CCBE1: variants seen among roughly 807,000 people sequenced by gnomAD.
CCBE1 encodes the protein collagen and calcium-binding EGF domain-containing protein 1.
In CCBE1, 37 loss-of-function variants were observed where a neutral mutation model predicts 50.0. The ratio of observed to expected loss-of-function variants is 0.74; its 90% CI spans 0.57 to 0.97. The LOEUF (loss-of-function observed/expected upper bound fraction) is 0.97, where lower values mean the gene tolerates loss of function less well. Ranked by LOEUF, CCBE1 falls within the 50% of genes least tolerant of loss-of-function variation. The probability of loss-of-function intolerance (pLI) is 0.00; values close to 1 mark genes in which losing one functional copy is unlikely to be tolerated. For missense variants in CCBE1, 538 were observed against 523.8 expected, an observed-to-expected ratio of 1.03 and a Z score of -0.26; for synonymous variants, 234 against 203.7, an observed-to-expected ratio of 1.15 and a Z score of -1.27.
intron 2 of CCBE1, among the ~76,000 whole-genome samples, chr18:59,603,906 C>A: frequency 6.6e-6 from 1 of 152,212 alleles, no homozygotes; most frequent in Admixed American, 6.5e-5. Flanking sequence ...GGTCCTCAAC[C>A]TCTCGATGAC....
chr18:59,696,412 GCA>G lies in CCBE1; in HGVS notation c.212+215_212+216del, dbSNP rs1244102758. ...CGGCAACCATCCTCAGGATCTCAGG[GCA>G]CACACCCTAGACGCAAAGTCAGTTG... On this transcript the variant is annotated intron_variant, in intron 2 of 10. Transcript: ENST00000439986. The G allele has an allele frequency of 2.4e-6, 3 of 1,247,950 alleles. No homozygotes were observed. In the East Asian group the frequency reaches 8.3e-5, roughly 35 times the overall value. The allele number at this position is 1,247,950 out of a possible 1,614,324, so 77.3% of individuals were successfully genotyped here.
At chr18:59,568,042 G>C (rs1309328362) in intron 2 of CCBE1, 2 of 152,102 alleles carry the variant, frequency 1.3e-5, no homozygotes, top group African/African-American at 2.4e-5. Flanking sequence ...TTCATATAGA[G>C]AGAACCACGG....
At chr18:59,609,016 G>A (rs1403841209) in intron 2 of CCBE1, among the ~76,000 whole-genome samples, 2 of 152,192 alleles carry the variant, frequency 1.3e-5, no homozygotes, top group African/African-American at 4.8e-5. Context: ...ACAGACTTGA[G>A]TTCTTGCATT....
intron 2 of CCBE1, among the ~76,000 whole-genome samples, chr18:59,591,544 A>G (rs2053269491): frequency 6.6e-6 from 1 of 152,234 alleles, no homozygotes; most frequent in African/African-American, 2.4e-5. Context: ...AGAAAAATGG[A>G]CAAAATTCAT....
In CCBE1 at chr18:59,697,246, A is replaced by T. The variant is rs2054821906; in HGVS notation, c.97T>A (p.Trp33Arg). 6.5e-7 allele frequency: 1 copy of T among 1,549,220 alleles called. No homozygotes were observed. The highest frequency in any genetic ancestry group is 8.7e-7 in the Non-Finnish European group (1 of 1,146,716). Residue 33 changes from tryptophan to arginine, a missense_variant, in exon 1 of 11, where the codon TGG becomes AGG. By Grantham distance (101) the Trp-to-Arg change is moderately radical. Coordinates refer to ENST00000439986, the MANE Select transcript of CCBE1 (RefSeq NM_133459.4). Reference protein sequence around the residue: ...LLLLLALGHTWTYREEPEDGD... With the variant: ...LLLLLALGHTRTYREEPEDGD... ...TCCTCCGGCTCCTCTCTGTAGGTCC[A>T]CGTGTGTCCCAACGCCAGGAGCAGC... is the stretch of plus-strand genomic sequence containing the variant.
Position 59,559,699 on chromosome 18 carries a change from A to G in CCBE1, c.213-79461T>C, listed in dbSNP as rs79184986. On this transcript the variant is annotated intron_variant, in intron 2 of 10. Coordinates refer to ENST00000439986, the MANE Select transcript of CCBE1 (RefSeq NM_133459.4). ...GGAATCTACTGGTCCCTGAACCTAG[A>G]TAAGTTTCTGGGCAGAGCTGCATTT... is the stretch of plus-strand genomic sequence containing the variant. Among the ~76,000 whole-genome samples, 37 of 152,356 alleles carry G rather than the reference A, an allele frequency of 2.4e-4. 1 individual carries two copies. In the East Asian group the frequency reaches 6.7e-3, roughly 28 times the overall value.
chr18:59,532,073 A>T (rs1915075398), intron 2 of CCBE1, among the ~76,000 whole-genome samples: 1 of 152,060 alleles, frequency 6.6e-6, no homozygotes, highest in Non-Finnish European at 1.5e-5. Context: ...TAATGTTCTT[A>T]CTTTTTTTTT....
At chr18:59,632,984 C>T (rs183386057) in intron 2 of CCBE1, among the ~76,000 whole-genome samples, 22 of 152,234 alleles carry the variant, frequency 1.4e-4, no homozygotes, top group African/African-American at 4.8e-4. Context: ...GTCAGGCATT[C>T]CCTTCTGAGA....
intron 2 of CCBE1, among the ~76,000 whole-genome samples, chr18:59,480,463 A>G (rs1912520767): frequency 6.6e-6 from 1 of 152,156 alleles, no homozygotes; most frequent in African/African-American, 2.4e-5. Flanking sequence ...AATATATGAA[A>G]TCAACATTTT....
chr18:59,450,590 G>A (rs1910884295), intron 6 of CCBE1, among the ~76,000 whole-genome samples: 1 of 152,202 alleles, frequency 6.6e-6, no homozygotes, highest in African/African-American at 2.4e-5. Context: ...CTGGAGTGCA[G>A]TGGTGCAATC....
In CCBE1 at chr18:59,581,515, C is replaced by A. The variant is rs147240463; in HGVS notation, c.213-101277G>T. Among the ~76,000 whole-genome samples, 20 of 151,728 alleles carry A rather than the reference C, an allele frequency of 1.3e-4. No individual in the cohort carries two copies. In the East Asian group the frequency reaches 3.9e-3, roughly 29 times the overall value. On this transcript the variant is annotated intron_variant, in intron 2 of 10. Coordinates refer to ENST00000439986, the MANE Select transcript of CCBE1 (RefSeq NM_133459.4). The stretch of plus-strand genomic sequence containing the variant: ...GCTATGCCCAAGGGTAACTAACAGA[C>A]CCTAGTTTGGAAATACCCAGATCCA...
At chr18:59,543,851 A>AAC in intron 2 of CCBE1, among the ~76,000 whole-genome samples, 1 of 151,320 alleles carries the variant, frequency 6.6e-6, no homozygotes, top group East Asian at 1.9e-4. Context: ...AAAAAAAAAA[A>AAC]AAAAAAACAG....
chr18:59,680,268 G>A (rs998830755), intron 2 of CCBE1, among the ~76,000 whole-genome samples: 2 of 151,484 alleles, frequency 1.3e-5, no homozygotes, highest in Non-Finnish European at 2.9e-5. Context: ...GATCAGATAC[G>A]CACTTATCTC....
In CCBE1 at chr18:59,501,276, T is replaced by C. The variant is rs570177574; in HGVS notation, c.213-21038A>G. 9.1e-3 allele frequency among the ~76,000 whole-genome samples: 1,388 copies of C among 152,270 alleles called. 14 individuals carry two copies. Among genetic ancestry groups the C allele is most frequent in the African/African-American group, 0.028 (1,162 of 41,544 alleles). On this transcript the variant is annotated intron_variant, in intron 2 of 10. Coordinates refer to ENST00000439986, the MANE Select transcript of CCBE1 (RefSeq NM_133459.4). ...TGTCCTGGGGCTGCTTCGTCCTCCA[T>C]AGGGACAGCACATCTCCTTTTACTT...
chr18:59,445,967 G>A (rs1910650140), intron 7 of CCBE1, among the ~76,000 whole-genome samples: 1 of 152,188 alleles, frequency 6.6e-6, no homozygotes, highest in South Asian at 2.1e-4. Flanking sequence ...TGGTGCTCCA[G>A]TCTGATTCAC....
intron 2 of CCBE1, among the ~76,000 whole-genome samples, chr18:59,488,602 A>G (rs1191157442): frequency 2.0e-5 from 3 of 152,218 alleles, no homozygotes; most frequent in Non-Finnish European, 4.4e-5. Flanking sequence ...AAAAACCAGA[A>G]GACCTGGAAG....
chr18:59,587,465 G>C (rs190169320), intron 2 of CCBE1, among the ~76,000 whole-genome samples: 6 of 152,282 alleles, frequency 3.9e-5, no homozygotes, highest in African/African-American at 1.4e-4. Context: ...TACCAAACCA[G>C]GAATAGAAGA....
intron 2 of CCBE1, among the ~76,000 whole-genome samples, chr18:59,601,400 G>C (rs954532035): frequency 2.6e-5 from 4 of 152,038 alleles, no homozygotes; most frequent in African/African-American, 9.7e-5. Flanking sequence ...ATAAAGGGCA[G>C]TTCCCCTGCA....
At chr18:59,561,959 T>C (rs376363572) in intron 2 of CCBE1, among the ~76,000 whole-genome samples, 316 of 152,166 alleles carry the variant, frequency 2.1e-3, no homozygotes, top group African/African-American at 7.2e-3. Context: ...CCCCCTGAGG[T>C]GTTCTTTCTG....
Sources: gnomAD v4.1 joint callset for allele counts (sites outside exome capture counted in the v4.1 genomes callset) on GRCh38, gnomAD v4.1.1 for gene constraint, MANE v1.5 for transcripts, NCBI Gene and HGNC (gene_info 2026-07-23, HGNC 2026-07-21) for gene names.